Variants in EDIL3 observed in about 807,000 individuals in gnomAD.
The protein encoded by EDIL3 is EGF like and discoidin domains 3.
A neutral mutation model predicts 67.4 loss-of-function variants in EDIL3; 37 were observed. The ratio of observed to expected loss-of-function variants is 0.55; its 90% confidence interval spans 0.42 to 0.72. The LOEUF (loss-of-function observed/expected upper bound fraction) is 0.72, where lower values mean the gene tolerates loss of function less well. Among genes scored for constraint, EDIL3 ranks in the 30% least tolerant of loss-of-function variants. The pLI is 0.00. For missense variants in EDIL3, 527 were observed against 586.3 expected (o/e 0.90, Z 1.04); for synonymous variants, 195 against 196.3 (o/e 0.99, Z 0.05).
chr5:84,022,341 A>T (rs1745732946), intron 9 of EDIL3, among the ~76,000 whole-genome samples: 1 of 152,014 alleles, frequency 6.6e-6, no homozygotes, highest in Non-Finnish European at 1.5e-5. Flanking sequence ...ATAGATGCAG[A>T]GAAAGTATTT....
At chr5:84,291,743 TAG>T (rs1405649096) in intron 1 of EDIL3, among the ~76,000 whole-genome samples, 2,837 of 147,436 alleles carry the variant, frequency 0.019, 89 homozygotes, top group African/African-American at 0.064. Flanking sequence ...TCTATCTATA[TAG>T]ATATATCTAT....
intron 6 of EDIL3, among the ~76,000 whole-genome samples, chr5:84,081,010 T>C (rs1746958670): frequency 6.6e-6 from 1 of 152,200 alleles, no homozygotes; most frequent in Non-Finnish European, 1.5e-5. Flanking sequence ...CACATATGCA[T>C]AAACATAAAA....
intron 10 of EDIL3, among the ~76,000 whole-genome samples, chr5:83,953,518 T>C (rs1460473834): frequency 6.6e-6 from 1 of 151,874 alleles, no homozygotes; most frequent in African/African-American, 2.4e-5. Context: ...GTAAAAGTTA[T>C]ATTATTTTCA....
At chr5:84,286,037 C>A (rs1293704334) in intron 1 of EDIL3, among the ~76,000 whole-genome samples, 1 of 152,112 alleles carries the variant, frequency 6.6e-6, no homozygotes, top group Non-Finnish European at 1.5e-5. Flanking sequence ...CATGGATTCA[C>A]CCAAGATGAA....
chr5:84,332,478 T>C (rs1290577213), intron 1 of EDIL3, among the ~76,000 whole-genome samples: 4 of 152,216 alleles, frequency 2.6e-5, no homozygotes, highest in Non-Finnish European at 5.9e-5. Context: ...GTTCTAATTA[T>C]AGGATTGTTT....
At chr5:83,970,633 T>C (rs1231923029) in intron 9 of EDIL3, among the ~76,000 whole-genome samples, 1 of 128,290 alleles carries the variant, frequency 7.8e-6, no homozygotes, top group Non-Finnish European at 1.6e-5. Context: ...TAATGTGACA[T>C]AGGATCACAG....
intron 1 of EDIL3, among the ~76,000 whole-genome samples, chr5:84,297,024 T>C (rs1249081894): frequency 6.6e-6 from 1 of 151,252 alleles, no homozygotes; most frequent in Non-Finnish European, 1.5e-5. Flanking sequence ...CCACTAAATA[T>C]ACAAAAAATT....
At chr5:84,273,273 C>T (rs1745512000) in intron 1 of EDIL3, among the ~76,000 whole-genome samples, 2 of 152,114 alleles carry the variant, frequency 1.3e-5, no homozygotes. Context: ...CGCTAATGGT[C>T]CCAAGCCTGA....
intron 4 of EDIL3, among the ~76,000 whole-genome samples, chr5:84,139,304 TGGGA>T (rs1006145462): frequency 3.8e-4 from 25 of 65,576 alleles, no homozygotes; most frequent in Admixed American, 1.4e-3. Flanking sequence ...GAAGGATGGA[TGGGA>T]GGGAGGGAGG....
chr5:83,969,280 T>C (rs1744750513), intron 9 of EDIL3, among the ~76,000 whole-genome samples: 1 of 151,810 alleles, frequency 6.6e-6, no homozygotes, highest in Admixed American at 6.6e-5. Context: ...CTATTAAAAT[T>C]AACATTCCCA....
chr5:83,970,097 T>A (rs1744764838), intron 9 of EDIL3, among the ~76,000 whole-genome samples: 1 of 151,680 alleles, frequency 6.6e-6, no homozygotes, highest in Admixed American at 6.6e-5. Flanking sequence ...TTTACTTCTA[T>A]GAGATCAACT....
At chr5:84,107,861 T>C (rs1187096999) in intron 5 of EDIL3, among the ~76,000 whole-genome samples, 3 of 150,842 alleles carry the variant, frequency 2.0e-5, no homozygotes, top group Non-Finnish European at 3.0e-5. Context: ...AGTAGGGATA[T>C]GATATAAGGA....
intron 1 of EDIL3, among the ~76,000 whole-genome samples, chr5:84,283,487 C>T (rs530016373): frequency 1.4e-4 from 21 of 152,142 alleles, no homozygotes; most frequent in Admixed American, 1.2e-3. Context: ...TCTAGGTTTT[C>T]CTTCAGAGGC....
chr5:83,944,796 T>C (rs1490119207), intron 10 of EDIL3, among the ~76,000 whole-genome samples: 1 of 151,984 alleles, frequency 6.6e-6, no homozygotes, highest in Non-Finnish European at 1.5e-5. Context: ...ATTTTCTTTC[T>C]TGTTTGACAT....
intron 5 of EDIL3, among the ~76,000 whole-genome samples, chr5:84,132,373 T>C (rs856436): frequency 5.8e-5 from 1 of 17,098 alleles, no homozygotes; most frequent in Admixed American, 1.2e-3. Context: ...ATTATATATA[T>C]TATATATAAT....
At chr5:84,160,813 T>TCCTTTC (rs1429741459) in intron 4 of EDIL3, among the ~76,000 whole-genome samples, 1 of 134,098 alleles carries the variant, frequency 7.5e-6, no homozygotes, top group Non-Finnish European at 1.6e-5. Context: ...TCCTTTCCTT[T>TCCTTTC]CCTTTCCCTT....
chr5:83,947,387 G>A (rs1324112343), intron 10 of EDIL3, among the ~76,000 whole-genome samples: 2 of 151,314 alleles, frequency 1.3e-5, no homozygotes, highest in African/African-American at 2.4e-5. Flanking sequence ...GTGTGTGTGT[G>A]TGTGTGTGTG....
At chr5:84,222,926 G>T (rs994530867) in intron 3 of EDIL3, among the ~76,000 whole-genome samples, 1 of 151,710 alleles carries the variant, frequency 6.6e-6, no homozygotes, top group Admixed American at 6.6e-5. Flanking sequence ...ACAATCTGCA[G>T]GCCATCATTT....
At chr5:84,172,580 T>C (rs1748830529) in intron 4 of EDIL3, among the ~76,000 whole-genome samples, 1 of 150,812 alleles carries the variant, frequency 6.6e-6, no homozygotes, top group Admixed American at 6.6e-5. Context: ...AGACCTTGTC[T>C]CAAAAAAACA....
Sources: allele counts gnomAD v4.1 joint callset (sites outside exome capture counted in the v4.1 genomes callset), GRCh38; gene constraint gnomAD v4.1.1; transcripts MANE v1.5; gene names NCBI Gene and HGNC (gene_info 2026-07-23, HGNC 2026-07-21).